Variants in GNB4 observed in about 807,000 individuals in gnomAD.
GNB4 encodes the protein G protein subunit beta 4.
A neutral mutation model predicts 45.2 loss-of-function variants in GNB4; 28 were observed. The observed-to-expected ratio is 0.62, with a 90% CI of 0.46 to 0.85. GNB4 has a LOEUF of 0.85. Ranked by LOEUF, GNB4 falls within the 40% of genes least tolerant of loss-of-function variation. The pLI, the probability that GNB4 is intolerant of heterozygous loss-of-function variation, is 0.00. For synonymous variants in GNB4, 132 were observed against 143.7 expected (o/e 0.92, Z 0.58); for missense variants, 321 against 425.4 (o/e 0.75, Z 2.16).
At chr3:179,471,377 C>T in the GNB4 span, among the ~76,000 whole-genome samples, 1 of 152,162 alleles carries the variant, frequency 6.6e-6, no homozygotes, top group African/African-American at 2.4e-5. Context: ...CCGCAAGCCC[C>T]ATTCATGGTA....
At chr3:179,437,580 A>G (rs564945865) in intron 1 of GNB4, among the ~76,000 whole-genome samples, 1 of 152,146 alleles carries the variant, frequency 6.6e-6, no homozygotes, top group African/African-American at 2.4e-5. Flanking sequence ...AAACAAAAAC[A>G]GACTAAGCAA....
intron 8 of GNB4, among the ~76,000 whole-genome samples, chr3:179,411,422 T>G (rs1480599624): frequency 6.6e-6 from 1 of 151,448 alleles, no homozygotes; most frequent in Non-Finnish European, 1.5e-5. Flanking sequence ...AAAGGAAGCC[T>G]CTATATTTAC....
chr3:179,521,198 G>T, the GNB4 span, among the ~76,000 whole-genome samples: 1 of 152,120 alleles, frequency 6.6e-6, no homozygotes, highest in Non-Finnish European at 1.5e-5. Context: ...ATAATTCCTC[G>T]GTTTGGCCTT....
chr3:179,427,605 TAA>T (rs67400722), intron 1 of GNB4, among the ~76,000 whole-genome samples: 32,112 of 129,684 alleles, frequency 0.25, 4,240 homozygotes, highest in African/African-American at 0.36. Flanking sequence ...ACTCTGGCTT[TAA>T]AAAAAAAAAA....
chr3:179,460,071 C>CT, the GNB4 span, among the ~76,000 whole-genome samples: 5 of 152,298 alleles, frequency 3.3e-5, no homozygotes, highest in African/African-American at 1.2e-4. Flanking sequence ...AGTTCTCATC[C>CT]TTTCTGTCAG....
At chr3:179,502,724 C>T in the GNB4 span, among the ~76,000 whole-genome samples, 1 of 152,146 alleles carries the variant, frequency 6.6e-6, no homozygotes, top group African/African-American at 2.4e-5. Context: ...ATACCCTGAA[C>T]ATCAGTAAAA....
the GNB4 span, among the ~76,000 whole-genome samples, chr3:179,512,761 C>A: frequency 6.6e-6 from 1 of 152,096 alleles, no homozygotes; most frequent in Non-Finnish European, 1.5e-5. Flanking sequence ...GCATAAATAT[C>A]TATAGCTTTT....
At position 179,401,156 on chromosome 3, in the gene GNB4, G is replaced by C; in HGVS notation, c.*57C>G. Reference sequence around the variant, plus strand: ...AAGGTAGAATTTTTTCACAGCTATAGGCTGTAGCATTGATTTCTCCAGATA... The same window carrying C: ...AAGGTAGAATTTTTTCACAGCTATACGCTGTAGCATTGATTTCTCCAGATA... On this transcript the variant is annotated 3_prime_UTR_variant, in exon 10 of 10. Coordinates refer to ENST00000232564, the MANE Select transcript of GNB4 (RefSeq NM_021629.4). The C allele has an allele frequency of 8.2e-7, 1 of 1,220,606 alleles. No homozygotes were observed. The highest frequency in any genetic ancestry group is 1.2e-6 in the Non-Finnish European group (1 of 844,866). The allele number at this position is 1,220,606 out of a possible 1,614,324, so 75.6% of individuals were successfully genotyped here.
intron 1 of GNB4, among the ~76,000 whole-genome samples, chr3:179,427,331 G>T (rs1002947381): frequency 6.6e-6 from 1 of 152,056 alleles, no homozygotes; most frequent in African/African-American, 2.4e-5. Context: ...AGGGTCTGGT[G>T]TGGTGGCTCA....
chr3:179,445,792 G>T (rs539370329), intron 1 of GNB4, among the ~76,000 whole-genome samples: 152 of 152,148 alleles, frequency 1.0e-3, no homozygotes, highest in Non-Finnish European at 1.7e-3. Context: ...TTTTTTAGAG[G>T]GTTCCTACTG....
At chr3:179,515,678 C>T in the GNB4 span, among the ~76,000 whole-genome samples, 1 of 152,146 alleles carries the variant, frequency 6.6e-6, no homozygotes, top group Non-Finnish European at 1.5e-5. Flanking sequence ...TTAGCTTGGG[C>T]TCAGAGGCCT....
At position 179,433,613 on chromosome 3, in the gene GNB4, C is replaced by T. The variant is rs1186336218; in HGVS notation, c.-42-7371G>A. On this transcript the variant is annotated intron_variant, in intron 1 of 9. Transcript: ENST00000232564. The stretch of plus-strand genomic sequence containing the variant: ...TTTTAAAAAGAGACCCTGTCTCTAA[C>T]GGTGGAAAAAAAAAAAAAGCAAGCA... Among the ~76,000 whole-genome samples, 21 of 140,124 alleles carry T rather than the reference C, an allele frequency of 1.5e-4. 1 individual carries two copies. Among genetic ancestry groups the T allele is most frequent in the Middle Eastern group, 3.7e-3 (1 of 272 alleles). 91.9% of individuals were successfully genotyped at this position (140,124 alleles called of 152,430 possible).
chr3:179,425,435 A>G (rs549054915), intron 2 of GNB4, among the ~76,000 whole-genome samples: 8 of 152,182 alleles, frequency 5.3e-5, no homozygotes, highest in Non-Finnish European at 1.2e-4. Flanking sequence ...TCCAAGAGTA[A>G]AAGGTGTCAG....
At chr3:179,471,070 T>C in the GNB4 span, among the ~76,000 whole-genome samples, 2 of 151,560 alleles carry the variant, frequency 1.3e-5, no homozygotes, top group Non-Finnish European at 2.9e-5. Context: ...TCCCAGCTAC[T>C]CGGCAGGCTG....
In GNB4 at chr3:179,405,372, G is replaced by A; in HGVS notation, c.734C>T (p.Ser245Phe). 21 of 1,613,640 alleles carry A rather than the reference G, an allele frequency of 1.3e-5. No individual in the cohort carries two copies. Among genetic ancestry groups the A allele is most frequent in the Non-Finnish European group, 1.8e-5 (21 of 1,179,604 alleles). Residue 245 changes from serine (S) to phenylalanine (F), a missense_variant, in exon 9 of 10, where the codon TCT becomes TTT. Physicochemically the swap from Ser to Phe is radical, Grantham distance 155. Coordinates refer to ENST00000232564, the MANE Select transcript of GNB4 (RefSeq NM_021629.4). Reference sequence around the variant, plus strand: ...AAAGAGCCGGCAAGTGGCATCATCAGAGCCAGTGGCGAAGGCATATCCATT... The same window carrying A: ...AAAGAGCCGGCAAGTGGCATCATCAAAGCCAGTGGCGAAGGCATATCCATT... ...FPNGYAFATG[S>F]DDATCRLFDL... is the part of the protein sequence containing the mutation.
At chr3:179,497,008 A>T in the GNB4 span, among the ~76,000 whole-genome samples, 1 of 152,052 alleles carries the variant, frequency 6.6e-6, no homozygotes, top group Non-Finnish European at 1.5e-5. Context: ...GATTTTTATT[A>T]TTTCTTTCTT....
At chr3:179,524,883 A>G in the GNB4 span, among the ~76,000 whole-genome samples, 1 of 152,130 alleles carries the variant, frequency 6.6e-6, no homozygotes, top group African/African-American at 2.4e-5. Flanking sequence ...CTAGTTTCGG[A>G]ATGAAACTGT....
chr3:179,431,431 C>T lies in GNB4; in HGVS notation c.-42-5189G>A, dbSNP rs750839574. 5.3e-5 allele frequency among the ~76,000 whole-genome samples: 8 copies of T among 151,792 alleles called. 1 individual carries two copies. The highest frequency in any genetic ancestry group is 1.9e-4 in the East Asian group (1 of 5,180). Reference sequence around the variant, plus strand: ...AAAATTAGCCAGGCATCTTGGCAAACGCCTGTAATCTCAGCTTCTCGGGAA... The same window carrying T: ...AAAATTAGCCAGGCATCTTGGCAAATGCCTGTAATCTCAGCTTCTCGGGAA... On this transcript the variant is annotated intron_variant, in intron 1 of 9. Coordinates refer to ENST00000232564, the MANE Select transcript of GNB4 (RefSeq NM_021629.4).
chr3:179,401,242 A>G lies in GNB4; in HGVS notation c.994T>C (p.Trp332Arg). 6.2e-7 allele frequency: 1 copy of G among 1,613,874 alleles called. No homozygotes were observed. Among genetic ancestry groups the G allele is most frequent in the South Asian group, 1.1e-5 (1 of 91,058 alleles). The change falls in exon 10 of 10, where the codon TGG (tryptophan) becomes CGG (arginine). Residue 332 changes from tryptophan to arginine, a missense_variant. Physicochemically the swap from Trp to Arg is moderately radical, Grantham distance 101 (BLOSUM62 -3). Transcript: ENST00000232564. ...TTCCAGATTCTAAGAAAACTGTCCC[A>G]AGAGCCTGTTGCCACAGCCATGCCA... ...DDGMAVATGS[W>R]DSFLRIWN
Sources: allele counts gnomAD v4.1 joint callset (sites outside exome capture counted in the v4.1 genomes callset), GRCh38; gene constraint gnomAD v4.1.1; transcripts MANE v1.5; gene names NCBI Gene and HGNC (gene_info 2026-07-23, HGNC 2026-07-21).